Variants in RAB3GAP1 observed in about 807,000 individuals in gnomAD.
The protein encoded by RAB3GAP1 is rab3 GTPase-activating protein catalytic subunit.
Under a neutral mutation model 130.7 loss-of-function variants are expected in RAB3GAP1, and 86 were observed. The ratio of observed to expected loss-of-function variants is 0.66; its 90% CI spans 0.55 to 0.79. The LOEUF (loss-of-function observed/expected upper bound fraction) is 0.79, where lower values mean the gene tolerates loss of function less well. Ranked by LOEUF, RAB3GAP1 falls within the 30% of genes least tolerant of loss-of-function variation. The probability of loss-of-function intolerance (pLI) is 0.00; values close to 1 mark genes in which losing one functional copy is unlikely to be tolerated. For synonymous variants in RAB3GAP1, 367 were observed against 401.7 expected (o/e 0.91, Z 1.03); for missense variants, 1,029 against 1,169.4 (o/e 0.88, Z 1.75).
intron 17 of RAB3GAP1, among the ~76,000 whole-genome samples, chr2:135,146,199 C>CTT (rs1173567563): frequency 0.02 from 1,917 of 96,388 alleles, 67 homozygotes; most frequent in African/African-American, 0.045. Context: ...CATATTTGTT[C>CTT]TTTTTTTTTT....
intron 3 of RAB3GAP1, among the ~76,000 whole-genome samples, chr2:135,067,863 T>G (rs1361776544): frequency 6.6e-6 from 1 of 152,222 alleles, no homozygotes; most frequent in Non-Finnish European, 1.5e-5. Context: ...CCTGAGTAGC[T>G]GGGACTACAG....
intron 19 of RAB3GAP1, 161 bp from the exon 20 acceptor site, chr2:135,162,394 T>G: frequency 1.4e-6 from 1 of 692,744 alleles, no homozygotes; most frequent in Non-Finnish European, 2.6e-6. Flanking sequence ...TCTTAGGTGC[T>G]TTCAGTAACA....
intron 10 of RAB3GAP1, 54 bp downstream of exon 10, chr2:135,126,303 A>G: frequency 7.6e-7 from 1 of 1,315,030 alleles, no homozygotes; most frequent in Middle Eastern, 1.9e-4. Context: ...CAGTAGAATA[A>G]CTCTCAAATT....
intron 2 of RAB3GAP1, among the ~76,000 whole-genome samples, chr2:135,052,709 A>T (rs1688914988): frequency 6.6e-6 from 1 of 152,170 alleles, no homozygotes; most frequent in Admixed American, 6.5e-5. Flanking sequence ...CCTGAGGCTC[A>T]GGCTCTCAGA....
chr2:135,056,098 A>G (rs1689002515), intron 2 of RAB3GAP1, among the ~76,000 whole-genome samples: 1 of 151,272 alleles, frequency 6.6e-6, no homozygotes, highest in Admixed American at 6.6e-5. Flanking sequence ...GGCCTCCCAA[A>G]GTGCTGGGAT....
At chr2:135,148,125 G>A (rs950880611) in intron 17 of RAB3GAP1, among the ~76,000 whole-genome samples, 1 of 151,826 alleles carries the variant, frequency 6.6e-6, no homozygotes, top group African/African-American at 2.4e-5. Flanking sequence ...GTAAATCTAG[G>A]CAAAATTTTA....
intron 2 of RAB3GAP1, among the ~76,000 whole-genome samples, chr2:135,057,653 C>G (rs1429663898): frequency 1.3e-5 from 2 of 152,178 alleles, no homozygotes; most frequent in Non-Finnish European, 2.9e-5. Context: ...AGCCACTGCA[C>G]CCAGCCCATA....
At chr2:135,053,096 A>G (rs1247329002) in intron 2 of RAB3GAP1, among the ~76,000 whole-genome samples, 1 of 152,136 alleles carries the variant, frequency 6.6e-6, no homozygotes, top group Non-Finnish European at 1.5e-5. Flanking sequence ...GGCTCAAGTG[A>G]AGCTCCCGCT....
intron 5 of RAB3GAP1, among the ~76,000 whole-genome samples, chr2:135,104,880 C>G (rs1690548611): frequency 6.6e-6 from 1 of 152,046 alleles, no homozygotes; most frequent in African/African-American, 2.4e-5. Flanking sequence ...CAGAGCGAAA[C>G]TCCATCTCAA....
At chr2:135,117,845 TTTC>T (rs749348524) in intron 7 of RAB3GAP1, among the ~76,000 whole-genome samples, 8 of 150,858 alleles carry the variant, frequency 5.3e-5, no homozygotes, top group East Asian at 1.9e-4. Context: ...CTTCTTCTTC[TTTC>T]TTCTTCTTCT....
intron 19 of RAB3GAP1, among the ~76,000 whole-genome samples, chr2:135,158,298 C>G (rs1289279102): frequency 1.3e-5 from 2 of 151,804 alleles, no homozygotes; most frequent in Admixed American, 6.6e-5. Flanking sequence ...AGAAAAATGA[C>G]TGATTTCAAG....
At chr2:135,164,217 A>T (rs1445261906) in intron 22 of RAB3GAP1, among the ~76,000 whole-genome samples, 1 of 152,228 alleles carries the variant, frequency 6.6e-6, no homozygotes, top group African/African-American at 2.4e-5. Context: ...ACAAAAACAA[A>T]TATGGATCAT....
chr2:135,074,798 A>G (rs1158638640), intron 3 of RAB3GAP1, among the ~76,000 whole-genome samples: 2 of 152,246 alleles, frequency 1.3e-5, no homozygotes, highest in African/African-American at 4.8e-5. Flanking sequence ...ACGTATTAGA[A>G]AAAGCACGAA....
chr2:135,088,052 A>C (rs1007702046), intron 3 of RAB3GAP1, among the ~76,000 whole-genome samples: 1 of 152,152 alleles, frequency 6.6e-6, no homozygotes, highest in African/African-American at 2.4e-5. Flanking sequence ...CAGAACTTGG[A>C]TGCCTTGTCT....
intron 12 of RAB3GAP1, 42 bp from the exon 13 acceptor site, chr2:135,130,510 G>C: frequency 2.7e-6 from 4 of 1,507,456 alleles, no homozygotes; most frequent in Non-Finnish European, 3.7e-6. Context: ...CACCTGCTGA[G>C]GTTGGTGATA....
downstream of RAB3GAP1, among the ~76,000 whole-genome samples, chr2:135,171,338 A>G (rs1000840397): frequency 6.6e-6 from 1 of 152,110 alleles, no homozygotes; most frequent in Admixed American, 6.5e-5. Flanking sequence ...GGGGAGTGAC[A>G]TGGTGGGTTT....
chr2:135,105,321 C>T (rs1422351076), intron 5 of RAB3GAP1, among the ~76,000 whole-genome samples: 1 of 151,014 alleles, frequency 6.6e-6, no homozygotes, highest in African/African-American at 2.4e-5. Flanking sequence ...CGGCTCACTG[C>T]AACCTCCCTG....
intron 11 of RAB3GAP1, among the ~76,000 whole-genome samples, chr2:135,129,171 G>C (rs1691445585): frequency 6.7e-6 from 1 of 148,844 alleles, no homozygotes; most frequent in Non-Finnish European, 1.5e-5. Context: ...AGTAATAATG[G>C]GCCGGGCGCG....
intron 3 of RAB3GAP1, among the ~76,000 whole-genome samples, chr2:135,060,256 AT>A (rs60562266): frequency 0.1 from 11,171 of 109,752 alleles, 342 homozygotes; most frequent in South Asian, 0.23. Flanking sequence ...TAACTGCTTG[AT>A]TTTTTTTTTT....
Sources: gnomAD v4.1 joint callset for allele counts (sites outside exome capture counted in the v4.1 genomes callset) on GRCh38, gnomAD v4.1.1 for gene constraint, MANE v1.5 for transcripts, NCBI Gene and HGNC (gene_info 2026-07-23, HGNC 2026-07-21) for gene names.